The following RORA variants were observed in gnomAD, a reference collection of about 807,000 sequenced individuals.
RORA encodes the protein RAR related orphan receptor A.
In RORA, 7 loss-of-function variants were observed where a neutral mutation model predicts 69.5. The observed-to-expected ratio is 0.10, with a 90% CI of 0.06 to 0.19. The LOEUF is 0.19. Among genes scored for constraint, RORA ranks in the 10% least tolerant of loss-of-function variants. The pLI is 1.00. For synonymous variants in RORA, 261 were observed against 240.8 expected, an observed-to-expected ratio of 1.08 and a Z score of -0.78; for missense variants, 457 against 663.0, an observed-to-expected ratio of 0.69 and a Z score of 3.41.
At chr15:61,102,059 C>T (rs945516095) in intron 1 of RORA, among the ~76,000 whole-genome samples, 1 of 152,106 alleles carries the variant, frequency 6.6e-6, no homozygotes, top group Non-Finnish European at 1.5e-5. Flanking sequence ...CAGGTCATCC[C>T]CCGGATCCTA....
At chr15:60,990,329 A>G (rs1016570278) in intron 1 of RORA, among the ~76,000 whole-genome samples, 2 of 152,224 alleles carry the variant, frequency 1.3e-5, no homozygotes, top group African/African-American at 2.4e-5. Flanking sequence ...CCCTTGTTTT[A>G]GGATATAATT....
intron 1 of RORA, among the ~76,000 whole-genome samples, chr15:60,874,449 A>G (rs1439293489): frequency 2.0e-5 from 3 of 152,168 alleles, no homozygotes; most frequent in Non-Finnish European, 4.4e-5. Context: ...CAGAGTAAAT[A>G]CTTTTAGTTT....
chr15:60,946,636 C>T (rs1017405919), intron 1 of RORA, among the ~76,000 whole-genome samples: 1 of 152,228 alleles, frequency 6.6e-6, no homozygotes, highest in Non-Finnish European at 1.5e-5. Flanking sequence ...ACCTCCCAGC[C>T]GCCTGCCTTG....
chr15:61,109,349 T>C lies in RORA; in HGVS notation c.166+119704A>G, dbSNP rs532519617. Among the ~76,000 whole-genome samples, 3 of 152,294 alleles carry C rather than the reference T, an allele frequency of 2.0e-5. No homozygotes were observed. The South Asian group carries it at 6.2e-4, about 32-fold the overall frequency. On this transcript the variant is annotated intron_variant, in intron 1 of 10. Transcript: ENST00000335670. The stretch of plus-strand genomic sequence containing the variant: ...GAACTTAGAACAGTGGCTAGCACAT[T>C]GTAGCCACTCAACAAAAATTTGATA...
At position 60,718,300 on chromosome 15, in the gene RORA, T is replaced by A. The variant is rs557955703; in HGVS notation, c.167-39614A>T. Among the ~76,000 whole-genome samples the A allele has an allele frequency of 2.6e-5, 4 of 152,326 alleles. No individual in the cohort carries two copies. In the South Asian group the frequency reaches 6.2e-4, roughly 24 times the overall value. On this transcript the variant is annotated intron_variant, in intron 1 of 10. Coordinates refer to ENST00000335670, the MANE Select transcript of RORA (RefSeq NM_134261.3). ...AAGTTTCCCATCTCATCCCTGATGC[T>A]GCATTCAGAAGCAAACACCACACCT...
Position 60,511,683 on chromosome 15 carries a change from C to T in RORA, c.425-62G>A, listed in dbSNP as rs763239845. On this transcript the variant is annotated intron_variant, in intron 4 of 10. Transcript: ENST00000335670. The surrounding 1 kb of genome is among the most constrained non-coding windows in gnomAD (Gnocchi z 6.4). ...CGCTTTTCTTCAATATTCTCTCCTG[C>T]GAGCTTTGGGGTTTCCTTTGAAGTC... The T allele has an allele frequency of 1.1e-5, 17 of 1,496,652 alleles. No individual in the cohort carries two copies. The highest frequency in any genetic ancestry group is 4.9e-4 in the Middle Eastern group (2 of 4,060). 92.7% of individuals were successfully genotyped at this position (1,496,652 alleles called of 1,614,324 possible). A position where few individuals can be genotyped will look rare whatever the true frequency, so the allele number is the denominator to read the frequency against.
chr15:61,013,188 A>C (rs986495720), intron 1 of RORA, among the ~76,000 whole-genome samples: 1 of 152,256 alleles, frequency 6.6e-6, no homozygotes, highest in African/African-American at 2.4e-5. Context: ...CATCTGAATA[A>C]TGGAAACGAT....
At chr15:61,084,897 G>A (rs893903048) in intron 1 of RORA, among the ~76,000 whole-genome samples, 1 of 148,640 alleles carries the variant, frequency 6.7e-6, no homozygotes, top group African/African-American at 2.5e-5. Context: ...TTTATGTTGT[G>A]AGTGTGTGTG....
In RORA at chr15:60,489,559, G is replaced by A. The variant is rs2065008490; in HGVS notation, c.*7896C>T. The A allele has an allele frequency of 6.6e-6, 1 of 152,166 alleles. No homozygotes were observed. Among genetic ancestry groups the A allele is most frequent in the African/African-American group, 2.4e-5 (1 of 41,420 alleles). The allele number at this position is 152,166 out of a possible 1,614,324, so 9.4% of individuals were successfully genotyped here. ...ATGCCAGTAGATCTTGGGAGAATGG[G>A]TAGAAAGGCTTAATTAAGCTACTTA... On this transcript the variant is annotated 3_prime_UTR_variant, in exon 11 of 11. Coordinates refer to ENST00000335670, the MANE Select transcript of RORA (RefSeq NM_134261.3).
intron 1 of RORA, among the ~76,000 whole-genome samples, chr15:60,876,708 A>G (rs1339551237): frequency 1.3e-5 from 2 of 152,114 alleles, no homozygotes; most frequent in Non-Finnish European, 2.9e-5. Context: ...TTATGCTTCA[A>G]TCATTCATAT....
chr15:61,164,650 T>G (rs923316194), intron 1 of RORA, among the ~76,000 whole-genome samples: 1 of 152,080 alleles, frequency 6.6e-6, no homozygotes, highest in Non-Finnish European at 1.5e-5. Context: ...AGTTACATCT[T>G]TTTTTTTCTC....
chr15:60,966,447 C>T (rs984582103), intron 1 of RORA, among the ~76,000 whole-genome samples: 6 of 152,098 alleles, frequency 3.9e-5, no homozygotes, highest in African/African-American at 1.2e-4. Context: ...TCTGTTTTCA[C>T]AAAACTTAAT....
intron 1 of RORA, among the ~76,000 whole-genome samples, chr15:60,758,480 A>T (rs2071834731): frequency 6.6e-6 from 1 of 152,114 alleles, no homozygotes; most frequent in African/African-American, 2.4e-5. Context: ...TACACCTAGG[A>T]TGTCATTCTA....
chr15:60,547,508 G>C (rs964580608), intron 2 of RORA, among the ~76,000 whole-genome samples: 3 of 151,716 alleles, frequency 2.0e-5, no homozygotes, highest in Admixed American at 2.0e-4. Context: ...TGTATTTTTA[G>C]TAGAGACGGG....
intron 1 of RORA, among the ~76,000 whole-genome samples, chr15:61,101,949 G>A (rs566471633): frequency 3.9e-5 from 6 of 152,028 alleles, no homozygotes; most frequent in Admixed American, 6.6e-5. Flanking sequence ...GTGTGTGCTC[G>A]GAGCTAACCT....
intron 1 of RORA, among the ~76,000 whole-genome samples, chr15:60,948,310 T>C (rs1892964928): frequency 6.6e-6 from 1 of 152,210 alleles, no homozygotes; most frequent in Non-Finnish European, 1.5e-5. Flanking sequence ...GTCTCTGCTT[T>C]TTCTGGTGAT....
intron 1 of RORA, among the ~76,000 whole-genome samples, chr15:61,178,487 A>T (rs2079651891): frequency 6.6e-6 from 1 of 152,134 alleles, no homozygotes; most frequent in Admixed American, 6.5e-5. Flanking sequence ...ATATGGATAA[A>T]TATATCAATT....
At chr15:61,111,020 ATGAC>A (rs1232949470) in intron 1 of RORA, among the ~76,000 whole-genome samples, 2 of 152,168 alleles carry the variant, frequency 1.3e-5, no homozygotes, top group East Asian at 3.9e-4. Context: ...CCTGGCCTGA[ATGAC>A]TGTGCAGTGT....
At chr15:60,713,221 G>A (rs978738226) in intron 1 of RORA, among the ~76,000 whole-genome samples, 8 of 152,134 alleles carry the variant, frequency 5.3e-5, no homozygotes, top group African/African-American at 1.7e-4. Flanking sequence ...CCCCTTAGTA[G>A]GGTGTCCGGC....
Sources: gnomAD v4.1 joint callset for allele counts (sites outside exome capture counted in the v4.1 genomes callset) on GRCh38, gnomAD v4.1.1 for gene constraint, Gnocchi (gnomAD v3.1) non-coding constraint, MANE v1.5 for transcripts, NCBI Gene and HGNC (gene_info 2026-07-23, HGNC 2026-07-21) for gene names.